CEP85L: variants seen among roughly 807,000 people sequenced by gnomAD.
CEP85L encodes the protein centrosomal protein of 85 kDa-like.
A neutral mutation model predicts 100.3 loss-of-function variants in CEP85L; 60 were observed. That is an observed-to-expected ratio of 0.60 (90% CI 0.49 to 0.74). CEP85L has a LOEUF of 0.74. CEP85L is among the 30% of genes least tolerant of loss of function. The pLI is 0.00. For missense variants in CEP85L, 973 were observed against 936.2 expected (o/e 1.04, Z -0.51); for synonymous variants, 319 against 322.7 (o/e 0.99, Z 0.12).
At chr6:118,585,005 A>T (rs1020855947) in intron 2 of CEP85L, among the ~76,000 whole-genome samples, 3 of 152,196 alleles carry the variant, frequency 2.0e-5, no homozygotes, top group Non-Finnish European at 4.4e-5. Context: ...GCCAGGGAAG[A>T]TCTCAAGGAA....
intron 10 of CEP85L, among the ~76,000 whole-genome samples, chr6:118,473,683 G>A (rs1287023057): frequency 1.3e-5 from 2 of 152,148 alleles, no homozygotes; most frequent in Non-Finnish European, 2.9e-5. Flanking sequence ...AAGGGTAGAA[G>A]CATGAAGAAA....
intron 1 of CEP85L, among the ~76,000 whole-genome samples, chr6:118,664,043 G>A (rs945286132): frequency 1.3e-5 from 2 of 150,710 alleles, no homozygotes; most frequent in African/African-American, 2.4e-5. Flanking sequence ...TTACAGGAAC[G>A]CACCACTATG....
intron 4 of CEP85L, among the ~76,000 whole-genome samples, chr6:118,519,473 T>C (rs867981898): frequency 0.031 from 555 of 18,106 alleles, 24 homozygotes; most frequent in Non-Finnish European, 0.052. Flanking sequence ...TGTGTGTGTG[T>C]GGCGGGGGGG....
rs201788647 is a variant in CEP85L, at chr6:118,523,981, TATC to T, written c.1021-64_1021-62del. The T allele has an allele frequency of 1.2e-3, 757 of 639,082 alleles. 4 individuals carry two copies. In the African/African-American group the frequency reaches 0.013, roughly 11 times the overall value. 39.6% of individuals were successfully genotyped at this position (639,082 alleles called of 1,614,324 possible). A position where few individuals can be genotyped will look rare whatever the true frequency, so the allele number is the denominator to read the frequency against. On this transcript the variant is annotated intron_variant, in intron 3 of 12. Coordinates refer to ENST00000368491, the MANE Select transcript of CEP85L (RefSeq NM_001042475.3). ...ATATTTAAAGAAAATATTTATATAT[TATC>T]ATATTTTCCCAAAGATTTATATTAA...
intron 5 of CEP85L, among the ~76,000 whole-genome samples, chr6:118,497,922 ATG>A (rs1168192506): frequency 1.3e-5 from 2 of 152,230 alleles, no homozygotes; most frequent in African/African-American, 2.4e-5. Context: ...GTTTCTGTGT[ATG>A]TGTGCATGTA....
At position 118,615,144 on chromosome 6, in the gene CEP85L, C is replaced by T. The variant is rs199968008; in HGVS notation, c.232+17309G>A. Among the ~76,000 whole-genome samples the T allele has an allele frequency of 2.6e-5, 4 of 152,062 alleles. No homozygotes were observed. In the East Asian group the frequency reaches 7.7e-4, roughly 29 times the overall value. On this transcript the variant is annotated intron_variant, in intron 2 of 12. Transcript: ENST00000368491. ...CATACCATGTTCATAGACTGGAAAA[C>T]TCACCAAGAAAAGATGTTATTTCTC...
At chr6:118,563,494 T>C (rs1377457881) in intron 3 of CEP85L, among the ~76,000 whole-genome samples, 3 of 152,220 alleles carry the variant, frequency 2.0e-5, no homozygotes, top group Non-Finnish European at 4.4e-5. Flanking sequence ...TATTGTTTTT[T>C]CATGGTGAGT....
At chr6:118,470,757 C>A in intron 10 of CEP85L, 113 bp from the exon 11 acceptor site, 1 of 507,624 alleles carries the variant, frequency 2.0e-6, no homozygotes. Context: ...CTTTCCTCCC[C>A]ATCCCCTTGG....
rs1401607093 is a variant in CEP85L, at chr6:118,483,703, T to C, written c.1590+3A>G. ...TAAAGATAAGCATTTTATTTCATGT[T>C]ACCTGTAGACTCTGACTCTGTACAT... is the stretch of plus-strand genomic sequence containing the variant. On this transcript the variant is annotated splice_donor_region_variant and intron_variant, in intron 7 of 12. Transcript: ENST00000368491. 2 of 1,603,638 alleles carry C rather than the reference T, an allele frequency of 1.2e-6. No homozygotes were observed. The highest frequency in any genetic ancestry group is 4.5e-5 in the East Asian group (2 of 44,796).
intron 1 of CEP85L, among the ~76,000 whole-genome samples, chr6:118,693,117 CA>C (rs766276664): frequency 2.6e-5 from 4 of 152,158 alleles, no homozygotes; most frequent in Non-Finnish European, 5.9e-5. Context: ...AGTTTATAAA[CA>C]ATAATAGTCC....
chr6:118,517,005 T>C (rs1377523968), intron 4 of CEP85L, among the ~76,000 whole-genome samples: 2 of 144,962 alleles, frequency 1.4e-5, no homozygotes, highest in African/African-American at 2.5e-5. Flanking sequence ...AAATAGGGAA[T>C]CCTTTCCCCA....
intron 3 of CEP85L, among the ~76,000 whole-genome samples, chr6:118,556,065 G>A (rs533983843): frequency 9.2e-5 from 14 of 152,140 alleles, no homozygotes; most frequent in Admixed American, 5.2e-4. Flanking sequence ...TGAGCACTTA[G>A]GCCGGTTCAT....
In CEP85L at chr6:118,487,302, C is replaced by A. The variant is rs147801394; in HGVS notation, c.1438-3444G>T. ...GTTTATCAGAGGAAGATTGGCAGAACCTATGGATATATAATTAGGCAATGT... is the reference window on the plus strand; with the variant it reads ...GTTTATCAGAGGAAGATTGGCAGAAACTATGGATATATAATTAGGCAATGT... On this transcript the variant is annotated intron_variant, in intron 6 of 12. Transcript: ENST00000368491. 2.0e-3 allele frequency among the ~76,000 whole-genome samples: 302 copies of A among 152,220 alleles called. 1 individual carries two copies. Among genetic ancestry groups the A allele is most frequent in the African/African-American group, 6.9e-3 (286 of 41,536 alleles).
intron 2 of CEP85L, among the ~76,000 whole-genome samples, chr6:118,567,245 GTGTGTATATATATATA>G (rs1779594575): frequency 6.3e-5 from 2 of 31,642 alleles, no homozygotes; most frequent in East Asian, 6.1e-4. Flanking sequence ...GTGTGTGTGT[GTGTGTATATATATATA>G]TATATATATA....
chr6:118,508,390 C>T (rs955740933), intron 5 of CEP85L, among the ~76,000 whole-genome samples: 18 of 152,036 alleles, frequency 1.2e-4, no homozygotes, highest in Non-Finnish European at 1.6e-4. Flanking sequence ...TCTTTCTTCT[C>T]CAATTTAAGT....
At chr6:118,628,341 C>G (rs1268293425) in intron 2 of CEP85L, among the ~76,000 whole-genome samples, 1 of 151,858 alleles carries the variant, frequency 6.6e-6, no homozygotes, top group Non-Finnish European at 1.5e-5. Flanking sequence ...ATAATGTAAG[C>G]CGAGGGATAA....
At chr6:118,696,101 T>A (rs1777201423) in intron 1 of CEP85L, among the ~76,000 whole-genome samples, 1 of 152,006 alleles carries the variant, frequency 6.6e-6, no homozygotes, top group African/African-American at 2.4e-5. Context: ...TGAAAACCTG[T>A]CTCTACTAAA....
At chr6:118,582,251 T>C (rs1326207824) in intron 2 of CEP85L, among the ~76,000 whole-genome samples, 1 of 152,220 alleles carries the variant, frequency 6.6e-6, no homozygotes, top group Non-Finnish European at 1.5e-5. Context: ...GGTTCAAGTT[T>C]CCTTCTCATT....
intron 1 of CEP85L, among the ~76,000 whole-genome samples, chr6:118,709,556 T>TGTGTGTGTGAGAGAGA (rs751698371): frequency 4.9e-5 from 7 of 142,224 alleles, no homozygotes; most frequent in African/African-American, 1.7e-4. Context: ...TGTGTGTGTG[T>TGTGTGTGTGAGAGAGA]GAGAGAGAGA....
Sources: gnomAD v4.1 joint callset for allele counts (sites outside exome capture counted in the v4.1 genomes callset) on GRCh38, gnomAD v4.1.1 for gene constraint, MANE v1.5 for transcripts, NCBI Gene and HGNC (gene_info 2026-07-23, HGNC 2026-07-21) for gene names.